Variants in RBBP5 observed in about 807,000 individuals in gnomAD.
RBBP5 encodes RB binding protein 5, histone lysine methyltransferase complex subunit.
A neutral mutation model predicts 72.2 loss-of-function variants in RBBP5; 5 were observed. That is an observed-to-expected ratio of 0.07 (90% CI 0.04 to 0.15). RBBP5 has a LOEUF of 0.15. RBBP5 is among the 10% of genes least tolerant of loss of function. The pLI is 1.00. For synonymous variants in RBBP5, 209 were observed against 237.2 expected, an observed-to-expected ratio of 0.88 and a Z score of 1.09; for missense variants, 322 against 652.2, an observed-to-expected ratio of 0.49 and a Z score of 5.51.
In RBBP5 at chr1:205,099,092, T is replaced by G; in HGVS notation, c.993A>C (p.Ala331=). ...CCAATTCTTTGAAGTCTGGTGCAAA[T>G]GCACTCCAGTTTTCCTATACAACAA... ...WAQNQVENWS[A]FAPDFKELDE... Residue 331 remains alanine, a synonymous_variant, in exon 10 of 14, where the codon GCA becomes GCC. Coordinates refer to ENST00000264515, the MANE Select transcript of RBBP5 (RefSeq NM_005057.4). This position sits in a 1 kb window ranked among gnomAD's most constrained non-coding sequence, Gnocchi z 4.7. The G allele has an allele frequency of 1.2e-6, 2 of 1,606,696 alleles. No homozygotes were observed. The highest frequency in any genetic ancestry group is 2.7e-5 in the African/African-American group (2 of 74,670).
In RBBP5 at chr1:205,103,754, G is replaced by C. The variant is rs184093530; in HGVS notation, c.522+103C>G. On this transcript the variant is annotated intron_variant, in intron 5 of 13. Transcript: ENST00000264515. ...ACTACATTTGCTGCAGAAAGGAGCT[G>C]TGCTTAGTCCAAGAATAAAAACAAT... 57 of 1,345,080 alleles carry C rather than the reference G, an allele frequency of 4.2e-5. No homozygotes were observed. In the African/African-American group the frequency reaches 7.7e-4, roughly 18 times the overall value. The allele number at this position is 1,345,080 out of a possible 1,614,324, so 83.3% of individuals were successfully genotyped here.
intron 4 of RBBP5, 94 bp downstream of exon 4, chr1:205,104,934 G>C: frequency 7.2e-7 from 1 of 1,394,688 alleles, no homozygotes; most frequent in South Asian, 1.2e-5. Flanking sequence ...ATGTGTATTT[G>C]CCTTCTAAAA....
chr1:205,101,966 G>A (rs186568608), intron 5 of RBBP5, among the ~76,000 whole-genome samples: 1,720 of 148,308 alleles, frequency 0.012, 43 homozygotes, highest in African/African-American at 0.041. Context: ...GTGCAATCTC[G>A]GCTCACTGCA....
chr1:205,096,089 A>G (rs1169729087), intron 12 of RBBP5, among the ~76,000 whole-genome samples: 1 of 152,154 alleles, frequency 6.6e-6, no homozygotes. Context: ...GCTACTCGGG[A>G]GGCTGAGGCA....
At chr1:205,102,852 G>A (rs1337230429) in intron 5 of RBBP5, among the ~76,000 whole-genome samples, 1 of 152,068 alleles carries the variant, frequency 6.6e-6, no homozygotes, top group African/African-American at 2.4e-5. Flanking sequence ...AATTAGCCAG[G>A]TGTGGTGATG....
intron 4 of RBBP5, 137 bp downstream of exon 4, chr1:205,104,891 G>A (rs6692170): frequency 0.43 from 434,805 of 1,002,260 alleles, 101,062 homozygotes; most frequent in Non-Finnish European, 0.47. Flanking sequence ...CAACCTAGAT[G>A]GAAAGATTAT....
chr1:205,106,986 G>A (rs1656089277), intron 3 of RBBP5, among the ~76,000 whole-genome samples: 1 of 151,860 alleles, frequency 6.6e-6, no homozygotes, highest in Admixed American at 6.6e-5. Context: ...TTAGCAAACT[G>A]GAAGATGGAA....
chr1:205,113,976 C>T (rs1047651377), intron 3 of RBBP5, among the ~76,000 whole-genome samples: 12 of 152,138 alleles, frequency 7.9e-5, no homozygotes, highest in African/African-American at 1.9e-4. Context: ...TGAACCACCG[C>T]GCCTGGCCCT....
In RBBP5 at chr1:205,099,689, T is replaced by C; in HGVS notation, c.978+52A>G. On this transcript the variant is annotated intron_variant, in intron 9 of 13. Coordinates refer to ENST00000264515, the MANE Select transcript of RBBP5 (RefSeq NM_005057.4). This position sits in a 1 kb window ranked among gnomAD's most constrained non-coding sequence, Gnocchi z 4.7. ...TTAGCTTCCTATGTATAAGGTTCTT[T>C]GATAAAAAGAAGGGGTAACTAGTTT... 6.6e-7 allele frequency: 1 copy of C among 1,505,122 alleles called. No individual in the cohort carries two copies. Among genetic ancestry groups the C allele is most frequent in the Middle Eastern group, 1.7e-4 (1 of 5,750 alleles). 93.2% of individuals were successfully genotyped at this position (1,505,122 alleles called of 1,614,324 possible). A position where few individuals can be genotyped will look rare whatever the true frequency, so the allele number is the denominator to read the frequency against.
At position 205,087,225 on chromosome 1, in the gene RBBP5, C is replaced by CTCATTCTG. The variant is rs1655170575; in HGVS notation, c.*1554_*1561dup. 1.4e-5 allele frequency: 2 copies of CTCATTCTG among 144,940 alleles called. No homozygotes were observed. Among genetic ancestry groups the CTCATTCTG allele is most frequent in the African/African-American group, 5.1e-5 (2 of 39,452 alleles). The allele number at this position is 144,940 out of a possible 1,614,324, so 9.0% of individuals were successfully genotyped here. A position where few individuals can be genotyped will look rare whatever the true frequency, so the allele number is the denominator to read the frequency against. On this transcript the variant is annotated 3_prime_UTR_variant, in exon 14 of 14. Transcript: ENST00000264515. ...TTTTTTTTTTTTTTTGAGATAGAGT[C>CTCATTCTG]TCATTCTGTCACCTAGGCTGGAGGG... is the stretch of plus-strand genomic sequence containing the variant.
intron 3 of RBBP5, among the ~76,000 whole-genome samples, chr1:205,107,286 C>T (rs1376797371): frequency 6.6e-6 from 1 of 151,908 alleles, no homozygotes; most frequent in Non-Finnish European, 1.5e-5. Flanking sequence ...TCAAGAACAT[C>T]AACTAGGATG....
intron 12 of RBBP5, among the ~76,000 whole-genome samples, chr1:205,095,868 G>C (rs1322167196): frequency 1.3e-5 from 2 of 152,158 alleles, no homozygotes; most frequent in African/African-American, 2.4e-5. Flanking sequence ...AAAATAAGTA[G>C]TTGCAAAATG....
intron 4 of RBBP5, among the ~76,000 whole-genome samples, chr1:205,104,623 A>G (rs1655979246): frequency 6.6e-6 from 1 of 151,696 alleles, no homozygotes; most frequent in South Asian, 2.1e-4. Context: ...TGGACAGATC[A>G]CGAGGTCAGG....
At chr1:205,106,147 C>T (rs1164540936) in intron 3 of RBBP5, among the ~76,000 whole-genome samples, 1 of 152,170 alleles carries the variant, frequency 6.6e-6, no homozygotes, top group East Asian at 1.9e-4. Flanking sequence ...TCAGCAGAGA[C>T]CTAGTGGAGA....
rs1656499436 is a variant in RBBP5, at chr1:205,115,903, G to T, written c.20-20C>A. The T allele has an allele frequency of 2.5e-6, 4 of 1,613,502 alleles. No homozygotes were observed. The highest frequency in any genetic ancestry group is 3.4e-6 in the Non-Finnish European group (4 of 1,179,636). On this transcript the variant is annotated intron_variant, in intron 1 of 13. Coordinates refer to ENST00000264515, the MANE Select transcript of RBBP5 (RefSeq NM_005057.4). ...AGGACTCTGCAACAAAGCAAAGAAA[G>T]AGTTGATGGCACATGTACCACATAG...
At chr1:205,109,916 C>T (rs1409570287) in intron 3 of RBBP5, among the ~76,000 whole-genome samples, 2 of 152,112 alleles carry the variant, frequency 1.3e-5, no homozygotes, top group Non-Finnish European at 2.9e-5. Context: ...TCAGATAGCT[C>T]TCTCCTGGGC....
rs114387296 is a variant in RBBP5 at position 205,116,592 on chromosome 1, G to A, written c.20-709C>T. 2.4e-3 allele frequency among the ~76,000 whole-genome samples: 364 copies of A among 152,258 alleles called. 1 individual carries two copies. Among genetic ancestry groups the A allele is most frequent in the African/African-American group, 7.4e-3 (308 of 41,558 alleles). ...CCAGAACTTTGGGAGGCCAAGTTGC[G>A]GCAGATCACAAGGGAGTTCAAGACC... On this transcript the variant is annotated intron_variant, in intron 1 of 13. Transcript: ENST00000264515.
At chr1:205,112,948 C>T (rs1191802032) in intron 3 of RBBP5, among the ~76,000 whole-genome samples, 1 of 152,130 alleles carries the variant, frequency 6.6e-6, no homozygotes, top group East Asian at 1.9e-4. Context: ...CACAGCAAGA[C>T]CCTGTCTCTA....
intron 13 of RBBP5, among the ~76,000 whole-genome samples, chr1:205,093,824 T>C (rs1369103397): frequency 2.0e-5 from 3 of 152,072 alleles, no homozygotes; most frequent in Non-Finnish European, 4.4e-5. Flanking sequence ...ATGTAAGTTA[T>C]AAATTAAACA....
Sources: gnomAD v4.1 joint callset for allele counts (sites outside exome capture counted in the v4.1 genomes callset) on GRCh38, gnomAD v4.1.1 for gene constraint, Gnocchi (gnomAD v3.1) non-coding constraint, MANE v1.5 for transcripts, NCBI Gene and HGNC (gene_info 2026-07-23, HGNC 2026-07-21) for gene names.